CTNND2: variants seen among roughly 807,000 people sequenced by gnomAD.
CTNND2 encodes the protein catenin delta 2, also known as catenin delta-2.
Under a neutral mutation model 144.4 loss-of-function variants are expected in CTNND2, and 22 were observed. The ratio of observed to expected loss-of-function variants is 0.15; its 90% CI spans 0.11 to 0.22. CTNND2 has a LOEUF of 0.22. Among genes scored for constraint, CTNND2 ranks in the 10% least tolerant of loss-of-function variants. CTNND2 has a pLI of 1.00. For missense variants in CTNND2, 1,353 were observed against 1,618.8 expected, an observed-to-expected ratio of 0.84 and a Z score of 2.82; for synonymous variants, 751 against 695.6, an observed-to-expected ratio of 1.08 and a Z score of -1.25.
chr5:11,018,045 C>T lies in CTNND2; in HGVS notation c.3013G>A (p.Val1005Met). 6.2e-7 allele frequency: 1 copy of T among 1,613,054 alleles called. No individual in the cohort carries two copies. The highest frequency in any genetic ancestry group is 8.5e-7 in the Non-Finnish European group (1 of 1,179,194). ...AGGACCTGAGATGCAGCCTTGACCACTTTTGGAGAGTGTCTGATGAAGAAA... is the reference window on the plus strand; with the variant it reads ...AGGACCTGAGATGCAGCCTTGACCATTTTTGGAGAGTGTCTGATGAAGAAA... Reference protein sequence around the residue: ...KSKGDKHSPKVVKAASQVLNS... With the variant: ...KSKGDKHSPKMVKAASQVLNS... The change falls in exon 18 of 22, where the codon GTG (valine) becomes ATG (methionine). Residue 1005 changes from valine to methionine, a missense_variant. Physicochemically the swap from Val to Met is conservative, Grantham distance 21 (BLOSUM62 1). Coordinates refer to ENST00000304623, the MANE Select transcript of CTNND2 (RefSeq NM_001332.4).
intron 2 of CTNND2, among the ~76,000 whole-genome samples, chr5:11,567,089 C>T (rs2150110216): frequency 6.6e-6 from 1 of 152,206 alleles, no homozygotes; most frequent in South Asian, 2.1e-4. Context: ...CTAACACCAC[C>T]ACCACCACAA....
At chr5:11,298,549 CCTTT>C (rs1749253893) in intron 9 of CTNND2, among the ~76,000 whole-genome samples, 2 of 152,126 alleles carry the variant, frequency 1.3e-5, no homozygotes, top group Admixed American at 6.6e-5. Flanking sequence ...TCTCCCAAAC[CCTTT>C]CTATTTTGCT....
At chr5:11,692,583 T>C (rs1217510471) in intron 2 of CTNND2, among the ~76,000 whole-genome samples, 3 of 152,160 alleles carry the variant, frequency 2.0e-5, no homozygotes, top group Non-Finnish European at 4.4e-5. Flanking sequence ...TAGGTGGAAT[T>C]TGGAAAACTA....
intron 2 of CTNND2, among the ~76,000 whole-genome samples, chr5:11,696,254 T>C (rs559835892): frequency 3.2e-4 from 49 of 152,224 alleles, no homozygotes; most frequent in African/African-American, 1.1e-3. Flanking sequence ...TAGGCGCTGG[T>C]TGAATTTCAC....
At chr5:10,983,959 T>C (rs2149489314) in intron 20 of CTNND2, among the ~76,000 whole-genome samples, 1 of 152,298 alleles carries the variant, frequency 6.6e-6, no homozygotes, top group Admixed American at 6.5e-5. Flanking sequence ...CAAACTTGTT[T>C]AGCTTCGGTG....
At chr5:11,233,841 T>A (rs1234036392) in intron 10 of CTNND2, among the ~76,000 whole-genome samples, 2 of 152,138 alleles carry the variant, frequency 1.3e-5, no homozygotes, top group Non-Finnish European at 2.9e-5. Flanking sequence ...TATTTAAGCC[T>A]TTTGCACTTC....
intron 9 of CTNND2, among the ~76,000 whole-genome samples, chr5:11,258,471 C>T (rs1245337974): frequency 1.3e-5 from 2 of 152,246 alleles, no homozygotes; most frequent in African/African-American, 4.8e-5. Context: ...CAGGGTCACA[C>T]AGAAACACCT....
chr5:11,102,978 T>TG (rs1418874977), intron 14 of CTNND2, among the ~76,000 whole-genome samples: 1 of 84,610 alleles, frequency 1.2e-5, no homozygotes, highest in Non-Finnish European at 3.0e-5. Context: ...AGATTTTTTT[T>TG]TTTTTTTTTT....
intron 2 of CTNND2, among the ~76,000 whole-genome samples, chr5:11,635,956 A>C (rs1406930398): frequency 6.6e-6 from 1 of 151,902 alleles, no homozygotes; most frequent in South Asian, 2.1e-4. Context: ...CTCTTACACT[A>C]ATTTCCAGTC....
intron 2 of CTNND2, among the ~76,000 whole-genome samples, chr5:11,707,639 T>A (rs2126683793): frequency 6.6e-6 from 1 of 152,328 alleles, no homozygotes; most frequent in African/African-American, 2.4e-5. Flanking sequence ...CAGTACATAT[T>A]AAATGCTAAA....
At chr5:11,344,339 C>T (rs1399303069) in intron 9 of CTNND2, among the ~76,000 whole-genome samples, 1 of 151,042 alleles carries the variant, frequency 6.6e-6, no homozygotes, top group African/African-American at 2.4e-5. Flanking sequence ...TTGCAGTGAG[C>T]GGAGATCGCG....
intron 11 of CTNND2, among the ~76,000 whole-genome samples, chr5:11,189,274 A>C (rs1054096000): frequency 2.6e-5 from 4 of 152,196 alleles, no homozygotes; most frequent in East Asian, 3.9e-4. Context: ...AGGCTGGTCT[A>C]TGGCTGTAAG....
At chr5:11,376,427 C>T (rs1008722831) in intron 7 of CTNND2, among the ~76,000 whole-genome samples, 11 of 151,562 alleles carry the variant, frequency 7.3e-5, no homozygotes, top group African/African-American at 2.7e-4. Flanking sequence ...TTTTTCATGC[C>T]ACTAACTCTT....
chr5:11,694,774 T>G (rs78679683), intron 2 of CTNND2, among the ~76,000 whole-genome samples: 1 of 152,172 alleles, frequency 6.6e-6, no homozygotes, highest in Non-Finnish European at 1.5e-5. Context: ...TCTCCTTCTG[T>G]CTCTGTTCAA....
At chr5:10,997,360 G>A (rs1411358154) in intron 18 of CTNND2, among the ~76,000 whole-genome samples, 7 of 152,154 alleles carry the variant, frequency 4.6e-5, no homozygotes, top group African/African-American at 1.2e-4. Context: ...TTGGGAGGCC[G>A]AGGCGGGCAG....
chr5:11,417,491 A>T (rs1291588714), intron 3 of CTNND2, among the ~76,000 whole-genome samples: 1 of 152,226 alleles, frequency 6.6e-6, no homozygotes, highest in African/African-American at 2.4e-5. Context: ...AATGAAATAG[A>T]AGAGAGCTCA....
At position 10,972,089 on chromosome 5, in the gene CTNND2, C is replaced by T. The variant is rs1023310869; in HGVS notation, c.*1364G>A. 13 of 152,594 alleles carry T rather than the reference C, an allele frequency of 8.5e-5. No individual in the cohort carries two copies. In the East Asian group the frequency reaches 1.2e-3, roughly 14 times the overall value. 9.5% of individuals were successfully genotyped at this position (152,594 alleles called of 1,614,324 possible). On this transcript the variant is annotated 3_prime_UTR_variant, in exon 22 of 22. Coordinates refer to ENST00000304623, the MANE Select transcript of CTNND2 (RefSeq NM_001332.4). Reference sequence around the variant, plus strand: ...GAACAAAAAGTTTGGGGGAATAAGGCGAGCAGTTTACATTTTCTGTGGATA... The same window carrying T: ...GAACAAAAAGTTTGGGGGAATAAGGTGAGCAGTTTACATTTTCTGTGGATA...
At chr5:11,361,501 C>T (rs939136961) in intron 8 of CTNND2, among the ~76,000 whole-genome samples, 1 of 152,164 alleles carries the variant, frequency 6.6e-6, no homozygotes, top group Admixed American at 6.5e-5. Context: ...GTGTGACCTT[C>T]GCATATTACT....
chr5:11,075,467 T>C (rs150539073), intron 16 of CTNND2, among the ~76,000 whole-genome samples: 163 of 152,314 alleles, frequency 1.1e-3, no homozygotes, highest in African/African-American at 2.8e-3. Context: ...GAAACAGTCC[T>C]GCAAAGCACA....
Sources: allele counts gnomAD v4.1 joint callset (sites outside exome capture counted in the v4.1 genomes callset), GRCh38; gene constraint gnomAD v4.1.1; transcripts MANE v1.5; gene names NCBI Gene and HGNC (gene_info 2026-07-23, HGNC 2026-07-21).